Variants in SMYD3 observed in about 807,000 individuals in gnomAD.
SMYD3 encodes SET and MYND domain containing 3.
Under a neutral mutation model 57.7 loss-of-function variants are expected in SMYD3, and 36 were observed. The observed-to-expected ratio is 0.62, with a 90% CI of 0.48 to 0.82. SMYD3 has a LOEUF of 0.82. SMYD3 is among the 40% of genes least tolerant of loss of function. The probability of loss-of-function intolerance (pLI) is 0.00; values close to 1 mark genes in which losing one functional copy is unlikely to be tolerated. For missense variants in SMYD3, 515 were observed against 538.8 expected (o/e 0.96, Z 0.44); for synonymous variants, 211 against 195.0 (o/e 1.08, Z -0.68).
At position 246,355,467 on chromosome 1, in the gene SMYD3, T is replaced by G. The variant is rs1038471769; in HGVS notation, c.165-373A>C. 5.3e-6 allele frequency: 1 copy of G among 187,928 alleles called. No individual in the cohort carries two copies. The highest frequency in any genetic ancestry group is 2.4e-5 in the African/African-American group (1 of 42,072). The allele number at this position is 187,928 out of a possible 1,614,324, so 11.6% of individuals were successfully genotyped here. On this transcript the variant is annotated intron_variant, in intron 1 of 11. Coordinates refer to ENST00000490107, the MANE Select transcript of SMYD3 (RefSeq NM_001167740.2). This position sits in a 1 kb window ranked among gnomAD's most constrained non-coding sequence, Gnocchi z 5.0. ...CCACAGACCCTCTGAAGGAACTGTATCGCCACTGCAGGCTCCCTGAGACTC... is the reference window on the plus strand; with the variant it reads ...CCACAGACCCTCTGAAGGAACTGTAGCGCCACTGCAGGCTCCCTGAGACTC...
intron 5 of SMYD3, among the ~76,000 whole-genome samples, chr1:246,162,642 A>C (rs2062141672): frequency 6.6e-6 from 1 of 152,120 alleles, no homozygotes; most frequent in African/African-American, 2.4e-5. Flanking sequence ...GGCAGCAAAA[A>C]TCTGAAACTT....
chr1:245,806,038 C>T (rs1186536802), intron 10 of SMYD3, among the ~76,000 whole-genome samples: 1 of 152,194 alleles, frequency 6.6e-6, no homozygotes, highest in African/African-American at 2.4e-5. Context: ...CCATCTATTA[C>T]AAGTTGAGTG....
intron 5 of SMYD3, among the ~76,000 whole-genome samples, chr1:245,954,374 G>A (rs866415650): frequency 1.7e-4 from 26 of 152,224 alleles, no homozygotes; most frequent in Non-Finnish European, 2.6e-4. Context: ...AAAAGGGGAC[G>A]ATAAAGAAAG....
chr1:245,920,672 G>T (rs183771829), intron 7 of SMYD3, among the ~76,000 whole-genome samples: 43 of 152,262 alleles, frequency 2.8e-4, no homozygotes, highest in Middle Eastern at 6.8e-3. Context: ...CCTACACATA[G>T]AAAAGTGGTC....
At chr1:246,221,467 G>C (rs534941425) in intron 5 of SMYD3, among the ~76,000 whole-genome samples, 58 of 152,348 alleles carry the variant, frequency 3.8e-4, no homozygotes, top group African/African-American at 1.4e-3. Context: ...CAAAGAGAAG[G>C]AGAAAGGAGC....
At chr1:246,219,469 T>C (rs1014218326) in intron 5 of SMYD3, among the ~76,000 whole-genome samples, 4 of 152,106 alleles carry the variant, frequency 2.6e-5, no homozygotes, top group Non-Finnish European at 4.4e-5. Flanking sequence ...GCCACTTCCA[T>C]TGGCAATAAA....
chr1:246,354,949 A>G (rs955648918), intron 2 of SMYD3, 82 bp downstream of exon 2: 1 of 1,252,262 alleles, frequency 8.0e-7, no homozygotes, highest in African/African-American at 1.5e-5. Flanking sequence ...AGAAGTAGAC[A>G]CAGGCCAACA....
chr1:246,099,152 G>A (rs890055575), intron 5 of SMYD3, among the ~76,000 whole-genome samples: 1 of 152,174 alleles, frequency 6.6e-6, no homozygotes, highest in African/African-American at 2.4e-5. Flanking sequence ...TTTGTGTCGG[G>A]CCTATCGGGC....
intron 8 of SMYD3, among the ~76,000 whole-genome samples, chr1:245,895,202 A>G (rs2053684491): frequency 6.6e-6 from 1 of 151,888 alleles, no homozygotes; most frequent in Non-Finnish European, 1.5e-5. Flanking sequence ...ACAGTCATTC[A>G]CTCTGGGGGA....
At chr1:246,226,425 T>C (rs1234339582) in intron 5 of SMYD3, among the ~76,000 whole-genome samples, 2 of 152,232 alleles carry the variant, frequency 1.3e-5, no homozygotes, top group Non-Finnish European at 2.9e-5. Context: ...AGACCTAAGA[T>C]ATATTTTCAT....
intron 5 of SMYD3, among the ~76,000 whole-genome samples, chr1:245,972,764 G>A (rs1317728468): frequency 6.6e-6 from 1 of 152,222 alleles, no homozygotes; most frequent in African/African-American, 2.4e-5. Context: ...GAAGGCCTGA[G>A]GGGCGGTGGA....
intron 8 of SMYD3, among the ~76,000 whole-genome samples, chr1:245,903,690 T>G (rs977470935): frequency 2.0e-5 from 3 of 152,196 alleles, no homozygotes; most frequent in Non-Finnish European, 4.4e-5. Context: ...ATGATATAGT[T>G]TGGCTCCGTG....
Position 245,958,030 on chromosome 1 carries a change from G to T in SMYD3, c.532-28093C>A, listed in dbSNP as rs187730410. ...TCAGAGACTTTGAGAAAAAAAAAGC[G>T]GGGGGGAGAAACAAGCGGGTTTTCT... is the stretch of plus-strand genomic sequence containing the variant. On this transcript the variant is annotated intron_variant, in intron 5 of 11. Transcript: ENST00000490107. Among the ~76,000 whole-genome samples the T allele has an allele frequency of 5.9e-5, 9 of 151,300 alleles. No individual in the cohort carries two copies. The South Asian group carries it at 1.7e-3, about 28-fold the overall frequency.
Position 245,976,861 on chromosome 1 carries a change from TAGGGAAAGCCATCGTCTCCGGCCC to T in SMYD3, c.532-46948_532-46925del, listed in dbSNP as rs1558550729. Among the ~76,000 whole-genome samples the T allele has an allele frequency of 6.4e-3, 66 of 10,246 alleles. 11 individuals are homozygous for T. Among genetic ancestry groups the T allele is most frequent in the Admixed American group, 0.012 (9 of 766 alleles). The allele number at this position is 10,246 out of a possible 152,430, so 6.7% of individuals were successfully genotyped here. A position where few individuals can be genotyped will look rare whatever the true frequency, so the allele number is the denominator to read the frequency against. Reference sequence around the variant, plus strand: ...CTAGGGAAAGCCATCGTCTCTAGCCTAGGGAAAGCCATCGTCTCCGGCCCAGGGAAAGCCATCGTCTCTAGCCTA... The same window carrying T: ...CTAGGGAAAGCCATCGTCTCTAGCCTAGGGAAAGCCATCGTCTCTAGCCTA... On this transcript the variant is annotated intron_variant, in intron 5 of 11. Transcript: ENST00000490107.
intron 5 of SMYD3, among the ~76,000 whole-genome samples, chr1:246,006,073 A>G (rs902071895): frequency 6.6e-6 from 1 of 152,110 alleles, no homozygotes; most frequent in African/African-American, 2.4e-5. Flanking sequence ...CAATTCTACT[A>G]CACTGTTTTA....
chr1:245,919,147 T>C (rs1358460878), intron 7 of SMYD3, among the ~76,000 whole-genome samples: 1 of 152,152 alleles, frequency 6.6e-6, no homozygotes, highest in African/African-American at 2.4e-5. Flanking sequence ...CAGTGTACCT[T>C]TCATCTTCTA....
chr1:246,387,262 A>G (rs2066498548), intron 1 of SMYD3, among the ~76,000 whole-genome samples: 1 of 152,214 alleles, frequency 6.6e-6, no homozygotes, highest in Non-Finnish European at 1.5e-5. Context: ...AATATTTATA[A>G]TATTTAGAGG....
rs576397561 is a variant in SMYD3 at position 246,203,860 on chromosome 1, C to T, written c.531+123341G>A. 1.3e-5 allele frequency among the ~76,000 whole-genome samples: 2 copies of T among 152,190 alleles called. No homozygotes were observed. The highest frequency in any genetic ancestry group is 2.1e-4 in the South Asian group (1 of 4,830). ...TATTTAATGCACCAACAACCCACTCCTAGTCCAGATCTTCCCCCTGTCCTA... is the reference window on the plus strand; with the variant it reads ...TATTTAATGCACCAACAACCCACTCTTAGTCCAGATCTTCCCCCTGTCCTA... On this transcript the variant is annotated intron_variant, in intron 5 of 11. Transcript: ENST00000490107. The surrounding 1 kb of genome is among the most constrained non-coding windows in gnomAD (Gnocchi z 4.6).
chr1:245,796,345 A>G (rs943933734), intron 10 of SMYD3, among the ~76,000 whole-genome samples: 1 of 150,798 alleles, frequency 6.6e-6, no homozygotes, highest in Non-Finnish European at 1.5e-5. Flanking sequence ...GGAATTCTAG[A>G]TTTTTTTTTT....
Sources: allele counts gnomAD v4.1 joint callset (sites outside exome capture counted in the v4.1 genomes callset), GRCh38; gene constraint gnomAD v4.1.1; non-coding constraint Gnocchi (gnomAD v3.1); transcripts MANE v1.5; gene names NCBI Gene and HGNC (gene_info 2026-07-23, HGNC 2026-07-21).